PITPNM2: variants seen among roughly 807,000 people sequenced by gnomAD.
PITPNM2 encodes membrane-associated phosphatidylinositol transfer protein 2.
PITPNM2 carries 35 observed loss-of-function variants against 132.2 expected under a neutral mutation model. The observed-to-expected ratio is 0.26, with a 90% CI of 0.20 to 0.35. The LOEUF is 0.35. Among genes scored for constraint, PITPNM2 ranks in the 10% least tolerant of loss-of-function variants. The pLI, the probability that PITPNM2 is intolerant of heterozygous loss-of-function variation, is 1.00. For synonymous variants in PITPNM2, 738 were observed against 799.2 expected, an observed-to-expected ratio of 0.92 and a Z score of 1.29; for missense variants, 1,332 against 1,912.0, an observed-to-expected ratio of 0.70 and a Z score of 5.66.
At chr12:123,061,421 G>A (rs1033004668) in intron 2 of PITPNM2, among the ~76,000 whole-genome samples, 2 of 152,228 alleles carry the variant, frequency 1.3e-5, no homozygotes, top group Admixed American at 1.3e-4. Flanking sequence ...GTCTGCTGAC[G>A]TGCCTACAAT....
rs1309086063 is a variant in PITPNM2, at chr12:123,005,662, A to G, written c.644-114T>C. 6.7e-6 allele frequency: 7 copies of G among 1,042,020 alleles called. No homozygotes were observed. Among genetic ancestry groups the G allele is most frequent in the East Asian group, 2.4e-5 (1 of 41,622 alleles). The allele number at this position is 1,042,020 out of a possible 1,614,324, so 64.5% of individuals were successfully genotyped here. A position where few individuals can be genotyped will look rare whatever the true frequency, so the allele number is the denominator to read the frequency against. On this transcript the variant is annotated intron_variant, in intron 6 of 25. Transcript: ENST00000320201. The surrounding 1 kb of genome is among the most constrained non-coding windows in gnomAD (Gnocchi z 6.2). ...CTTTGGGAGGCTGTACCCATGTTGC[A>G]GGTCAAACTAAAGTCACTGCCTGTC...
intron 14 of PITPNM2, 107 bp from the exon 15 acceptor site, chr12:122,995,086 T>TGG: frequency 1.6e-6 from 2 of 1,274,844 alleles, no homozygotes; most frequent in Non-Finnish European, 2.1e-6. Context: ...GCCCACTGGC[T>TGG]TCAGGACAGC....
rs1258995748 is a variant in PITPNM2, at chr12:122,985,970, C to T, written c.*57G>A. ...CGTGTGCCCAGGCCAGGCCTCCTGGCGGGGCTGGCCACCCTGGCCTAGCAC... is the reference window on the plus strand; with the variant it reads ...CGTGTGCCCAGGCCAGGCCTCCTGGTGGGGCTGGCCACCCTGGCCTAGCAC... On this transcript the variant is annotated 3_prime_UTR_variant, in exon 26 of 26. Coordinates refer to ENST00000320201, the MANE Select transcript of PITPNM2 (RefSeq NM_020845.3). 1.4e-5 allele frequency: 19 copies of T among 1,340,772 alleles called. No individual in the cohort carries two copies. The highest frequency in any genetic ancestry group is 3.5e-5 in the South Asian group (2 of 56,358). 83.1% of individuals were successfully genotyped at this position (1,340,772 alleles called of 1,614,324 possible). A position where few individuals can be genotyped will look rare whatever the true frequency, so the allele number is the denominator to read the frequency against.
At chr12:123,030,617 C>T (rs918315316) in intron 3 of PITPNM2, among the ~76,000 whole-genome samples, 4 of 151,438 alleles carry the variant, frequency 2.6e-5, no homozygotes, top group East Asian at 1.9e-4. Context: ...GGCGTGAACC[C>T]GGGAGGCGGA....
At chr12:123,110,147 G>A (rs1056172294) in intron 2 of PITPNM2, among the ~76,000 whole-genome samples, 2 of 152,040 alleles carry the variant, frequency 1.3e-5, no homozygotes, top group African/African-American at 4.8e-5. Flanking sequence ...GAGATATGCA[G>A]TCTCACTATG....
At chr12:123,076,978 G>A (rs1215261232) in intron 2 of PITPNM2, among the ~76,000 whole-genome samples, 5 of 152,164 alleles carry the variant, frequency 3.3e-5, no homozygotes, top group Non-Finnish European at 7.3e-5. Context: ...GCATGGGTCG[G>A]AGTGTGTCTC....
At chr12:123,045,923 A>G (rs890617065) in intron 2 of PITPNM2, among the ~76,000 whole-genome samples, 41 of 152,116 alleles carry the variant, frequency 2.7e-4, no homozygotes, top group African/African-American at 9.7e-4. Flanking sequence ...GCTATGGCTG[A>G]GTGGGGTACA....
chr12:123,021,757 T>TGG, intron 3 of PITPNM2: 1 of 949,490 alleles, frequency 1.1e-6, no homozygotes, highest in South Asian at 4.9e-5. Flanking sequence ...ATAGTTTCTG[T>TGG]GGTTCAAATG....
In PITPNM2 at chr12:122,985,932, G is replaced by A. The variant is rs556815447; in HGVS notation, c.*95C>T. Reference sequence around the variant, plus strand: ...ACAAGGCCCTGGGACAATCTCCCAGGCCCACGTCAGTGCGTGTGCCCAGGC... The same window carrying A: ...ACAAGGCCCTGGGACAATCTCCCAGACCCACGTCAGTGCGTGTGCCCAGGC... On this transcript the variant is annotated 3_prime_UTR_variant, in exon 26 of 26. Coordinates refer to ENST00000320201, the MANE Select transcript of PITPNM2 (RefSeq NM_020845.3). The A allele has an allele frequency of 1.7e-6, 2 of 1,161,872 alleles. No homozygotes were observed. The highest frequency in any genetic ancestry group is 2.2e-6 in the Non-Finnish European group (2 of 890,126). 72.0% of individuals were successfully genotyped at this position (1,161,872 alleles called of 1,614,324 possible). A position where few individuals can be genotyped will look rare whatever the true frequency, so the allele number is the denominator to read the frequency against.
At position 122,995,577 on chromosome 12, in the gene PITPNM2, G is replaced by GCCACCA; in HGVS notation, c.1860_1865dup (p.Gly621_Gly622dup). Reference sequence around the variant, plus strand: ...CACTACTGCCACCACCACCACTGCTGCCACCACCGCCACCGCCGCCACCGC... The same window carrying GCCACCA: ...CACTACTGCCACCACCACCACTGCTGCCACCACCACCACCGCCACCGCCGCCACCGC... On this transcript the variant is annotated inframe_insertion, in exon 14 of 26. Coordinates refer to ENST00000320201, the MANE Select transcript of PITPNM2 (RefSeq NM_020845.3). 6.3e-7 allele frequency: 1 copy of GCCACCA among 1,580,308 alleles called. No individual in the cohort carries two copies. The highest frequency in any genetic ancestry group is 8.5e-7 in the Non-Finnish European group (1 of 1,177,500).
rs545998534 is a variant in PITPNM2 at position 122,986,833 on chromosome 12, G to C, written c.3414-4C>G. 6.2e-7 allele frequency: 1 copy of C among 1,605,598 alleles called. No homozygotes were observed. The highest frequency in any genetic ancestry group is 8.5e-7 in the Non-Finnish European group (1 of 1,175,662). On this transcript the variant is annotated splice_polypyrimidine_tract_variant and splice_region_variant and intron_variant, in intron 23 of 25. Transcript: ENST00000320201. ...GTAGCCCAGGTCCTGCCAGTGCCTG[G>C]GGGTGAGGTGTCGTCTCATGGTCAC...
chr12:123,129,511 A>G (rs1254252017), intron 1 of PITPNM2, among the ~76,000 whole-genome samples: 1 of 151,064 alleles, frequency 6.6e-6, no homozygotes, highest in East Asian at 2.0e-4. Flanking sequence ...CGGAGCTTGC[A>G]GTGAGCCGAG....
intron 2 of PITPNM2, among the ~76,000 whole-genome samples, chr12:123,043,795 C>T (rs776789051): frequency 1.3e-5 from 2 of 152,248 alleles, no homozygotes; most frequent in Non-Finnish European, 2.9e-5. Flanking sequence ...TGCTCAAGGA[C>T]TGCGGCAAGG....
At chr12:123,060,960 C>T (rs1410629650) in intron 2 of PITPNM2, among the ~76,000 whole-genome samples, 1 of 152,204 alleles carries the variant, frequency 6.6e-6, no homozygotes, top group Non-Finnish European at 1.5e-5. Flanking sequence ...CTACTCGCAT[C>T]TACCCATGCA....
Position 122,989,845 on chromosome 12 carries a change from C to A in PITPNM2, c.2673G>T (p.Arg891Ser). Residue 891 changes from arginine (R) to serine (S), a missense_variant, in exon 18 of 26, where the codon AGG (arginine) becomes AGT (serine). Physicochemically the swap from Arg to Ser is moderately radical, Grantham distance 110. Transcript: ENST00000320201. The part of the protein sequence containing the change: ...PTTPGPHPPA[R>S]KASPGLERAP... ...CCCTCTCCAGGCCAGGGCTTGCCTTCCTGGCTGGAGGGTGGGGGCCAGGGG... is the reference window on the plus strand; with the variant it reads ...CCCTCTCCAGGCCAGGGCTTGCCTTACTGGCTGGAGGGTGGGGGCCAGGGG... 1.4e-6 allele frequency: 2 copies of A among 1,384,056 alleles called. No homozygotes were observed. The highest frequency in any genetic ancestry group is 1.9e-6 in the Non-Finnish European group (2 of 1,063,956). 85.7% of individuals were successfully genotyped at this position (1,384,056 alleles called of 1,614,324 possible).
chr12:123,021,029 CAAAAAAAA>C lies in PITPNM2; in HGVS notation c.79-6995_79-6988del, dbSNP rs910751492. Among the ~76,000 whole-genome samples, 12 of 25,310 alleles carry C rather than the reference CAAAAAAAA, an allele frequency of 4.7e-4. No homozygotes were observed. In the South Asian group the frequency reaches 4.9e-3, roughly 10 times the overall value. 16.6% of individuals were successfully genotyped at this position (25,310 alleles called of 152,430 possible). A position where few individuals can be genotyped will look rare whatever the true frequency, so the allele number is the denominator to read the frequency against. On this transcript the variant is annotated intron_variant, in intron 3 of 25. Transcript: ENST00000320201. ...AGGCGACAAGAGCGAAATTCCATCTCAAAAAAAAAAAAAAAAAAAAAAAAAAGAAAGTG... is the reference window on the plus strand; with the variant it reads ...AGGCGACAAGAGCGAAATTCCATCTCAAAAAAAAAAAAAAAAAAGAAAGTG...
At position 123,000,320 on chromosome 12, in the gene PITPNM2, T is replaced by A. The variant is rs560408310; in HGVS notation, c.1224+458A>T. 8.8e-6 allele frequency: 6 copies of A among 683,348 alleles called. No homozygotes were observed. The East Asian group carries it at 1.6e-4, about 18-fold the overall frequency. The allele number at this position is 683,348 out of a possible 1,614,324, so 42.3% of individuals were successfully genotyped here. A position where few individuals can be genotyped will look rare whatever the true frequency, so the allele number is the denominator to read the frequency against. ...TACAGGCGCTCTACCAAGACAGTTT[T>A]ATTGGACACACTGAGCTCCGCCTGC... On this transcript the variant is annotated intron_variant, in intron 10 of 25. Coordinates refer to ENST00000320201, the MANE Select transcript of PITPNM2 (RefSeq NM_020845.3). This position sits in a 1 kb window ranked among gnomAD's most constrained non-coding sequence, Gnocchi z 5.4.
Position 123,082,540 on chromosome 12 carries a change from C to T in PITPNM2, c.-96+27845G>A, listed in dbSNP as rs576914606. On this transcript the variant is annotated intron_variant, in intron 2 of 25. Transcript: ENST00000320201. The surrounding 1 kb of genome is among the most constrained non-coding windows in gnomAD (Gnocchi z 5.4). ...TGCAACCTCTGCCTCCCGGTTCAAG[C>T]GATTCTCATGCCTCAGCCTCCAAAT... Among the ~76,000 whole-genome samples, 2 of 152,208 alleles carry T rather than the reference C, an allele frequency of 1.3e-5. No homozygotes were observed. The highest frequency in any genetic ancestry group is 6.5e-5 in the Admixed American group (1 of 15,294).
chr12:123,134,038 T>C (rs979281841), intron 1 of PITPNM2, among the ~76,000 whole-genome samples: 1 of 152,104 alleles, frequency 6.6e-6, no homozygotes, highest in Non-Finnish European at 1.5e-5. Context: ...ATTTCAACAA[T>C]ATAAGGAATA....
Sources: allele counts gnomAD v4.1 joint callset (sites outside exome capture counted in the v4.1 genomes callset), GRCh38; gene constraint gnomAD v4.1.1; non-coding constraint Gnocchi (gnomAD v3.1); transcripts MANE v1.5; gene names NCBI Gene and HGNC (gene_info 2026-07-23, HGNC 2026-07-21).